The following PID1 variants were observed in gnomAD, a reference collection of about 807,000 sequenced individuals.
PID1 encodes phosphotyrosine interaction domain containing 1, also known as PTB-containing, cubilin and LRP1-interacting protein.
In PID1, 10 loss-of-function variants were observed where a neutral mutation model predicts 19.1. The observed-to-expected ratio is 0.52, with a 90% CI of 0.32 to 0.89. The LOEUF (loss-of-function observed/expected upper bound fraction) is 0.89, where lower values mean the gene tolerates loss of function less well. Among genes scored for constraint, PID1 ranks in the 40% least tolerant of loss-of-function variants. PID1 has a pLI of 0.03. For missense variants in PID1, 248 were observed against 285.3 expected (o/e 0.87, Z 0.94); for synonymous variants, 130 against 116.0 (o/e 1.12, Z -0.78).
chr2:229,157,206 G>C (rs1244498165), intron 1 of PID1, among the ~76,000 whole-genome samples: 1 of 152,130 alleles, frequency 6.6e-6, no homozygotes, highest in African/African-American at 2.4e-5. Flanking sequence ...AAGGAAAGGG[G>C]ATCACGTGAG....
intron 2 of PID1, among the ~76,000 whole-genome samples, chr2:229,113,580 A>C (rs1695345900): frequency 8.5e-6 from 1 of 117,668 alleles, no homozygotes; most frequent in African/African-American, 3.0e-5. Flanking sequence ...GTATGTGTGT[A>C]TGTGTGTATG....
intron 1 of PID1, among the ~76,000 whole-genome samples, chr2:229,211,913 A>G (rs971054525): frequency 6.6e-6 from 1 of 152,234 alleles, no homozygotes; most frequent in African/African-American, 2.4e-5. Flanking sequence ...TGAATTTCTT[A>G]CTCATCTTAA....
At chr2:229,058,506 T>G (rs1420610878) in intron 2 of PID1, among the ~76,000 whole-genome samples, 1 of 152,182 alleles carries the variant, frequency 6.6e-6, no homozygotes, top group African/African-American at 2.4e-5. Context: ...CGTGAAGATG[T>G]CCATATGACA....
At chr2:229,177,837 G>A (rs1690856698) in intron 1 of PID1, among the ~76,000 whole-genome samples, 2 of 152,206 alleles carry the variant, frequency 1.3e-5, no homozygotes, top group Admixed American at 1.3e-4. Flanking sequence ...AAATGCTCAC[G>A]ACAATGCTCT....
At chr2:229,227,813 T>C (rs1039869319) in intron 1 of PID1, 4 of 315,872 alleles carry the variant, frequency 1.3e-5, no homozygotes, top group African/African-American at 8.6e-5. Context: ...ACTTTTTTCT[T>C]GTCATTATCT....
intron 2 of PID1, among the ~76,000 whole-genome samples, chr2:229,100,635 C>A (rs1321242114): frequency 6.6e-6 from 1 of 152,188 alleles, no homozygotes; most frequent in Non-Finnish European, 1.5e-5. Context: ...AGATAATTCA[C>A]CCTCTATGCC....
intron 1 of PID1, among the ~76,000 whole-genome samples, chr2:229,216,868 A>G (rs886656926): frequency 1.3e-5 from 2 of 151,526 alleles, no homozygotes; most frequent in African/African-American, 4.8e-5. Flanking sequence ...TAGAACTCTC[A>G]TTTTATATAT....
intron 2 of PID1, among the ~76,000 whole-genome samples, chr2:229,039,081 C>A (rs1484506933): frequency 6.6e-6 from 1 of 152,258 alleles, no homozygotes; most frequent in Middle Eastern, 3.4e-3. Flanking sequence ...ATCTTCCGTG[C>A]CGATTTGAGC....
At chr2:229,050,337 T>C (rs1413961289) in intron 2 of PID1, among the ~76,000 whole-genome samples, 1 of 152,186 alleles carries the variant, frequency 6.6e-6, no homozygotes, top group African/African-American at 2.4e-5. Flanking sequence ...TCAAAATGTA[T>C]AGCCTCTCCA....
At chr2:229,191,435 T>C (rs7585821) in intron 1 of PID1, among the ~76,000 whole-genome samples, 16,480 of 152,114 alleles carry the variant, frequency 0.11, 1,192 homozygotes, top group East Asian at 0.42. Context: ...AGGGCTCCCT[T>C]GGCATGGCAC....
intron 1 of PID1, among the ~76,000 whole-genome samples, chr2:229,231,079 G>C: frequency 6.6e-6 from 1 of 152,124 alleles, no homozygotes; most frequent in East Asian, 1.9e-4. Flanking sequence ...GCCCCAGCCA[G>C]TGTCCCAGCT....
chr2:229,050,432 C>A (rs142374977), intron 2 of PID1, among the ~76,000 whole-genome samples: 3 of 152,158 alleles, frequency 2.0e-5, no homozygotes, highest in Non-Finnish European at 4.4e-5. Context: ...GTGAAACAGA[C>A]GCTACACATC....
At chr2:229,228,122 C>T (rs1418661927) in intron 1 of PID1, 4 of 446,524 alleles carry the variant, frequency 9.0e-6, no homozygotes, top group African/African-American at 2.0e-5. Flanking sequence ...CCAAGAGAAT[C>T]GAGATAAAGA....
chr2:229,260,463 C>CATAT (rs3084671), intron 1 of PID1, among the ~76,000 whole-genome samples: 30,687 of 147,726 alleles, frequency 0.21, 3,771 homozygotes, highest in Non-Finnish European at 0.28. Flanking sequence ...TAAAAAGTTG[C>CATAT]ATATATATAT....
At chr2:229,097,017 G>A (rs1403603537) in intron 2 of PID1, among the ~76,000 whole-genome samples, 1 of 152,160 alleles carries the variant, frequency 6.6e-6, no homozygotes, top group African/African-American at 2.4e-5. Flanking sequence ...CCCTGAGTTT[G>A]ATTAAAGAAT....
At chr2:229,239,712 C>T (rs773770112) in intron 1 of PID1, among the ~76,000 whole-genome samples, 7 of 152,122 alleles carry the variant, frequency 4.6e-5, no homozygotes, top group Non-Finnish European at 1.0e-4. Context: ...TAATCCTTCA[C>T]TGAATTATTT....
intron 1 of PID1, among the ~76,000 whole-genome samples, chr2:229,200,668 T>G (rs898000078): frequency 2.0e-5 from 3 of 152,036 alleles, no homozygotes; most frequent in African/African-American, 7.2e-5. Context: ...CTTTCAACCA[T>G]GTTGCTCTTG....
intron 1 of PID1, among the ~76,000 whole-genome samples, chr2:229,261,224 A>G (rs1019523606): frequency 6.6e-6 from 1 of 152,140 alleles, no homozygotes; most frequent in South Asian, 2.1e-4. Flanking sequence ...CTGATTTCAG[A>G]CTTCCAGTCT....
chr2:229,118,424 C>T (rs1019158386), intron 2 of PID1, among the ~76,000 whole-genome samples: 6 of 152,148 alleles, frequency 3.9e-5, no homozygotes, highest in Non-Finnish European at 8.8e-5. Context: ...CAAGACAATG[C>T]CCTTAGTATT....
Sources: gnomAD v4.1 joint callset for allele counts (sites outside exome capture counted in the v4.1 genomes callset) on GRCh38, gnomAD v4.1.1 for gene constraint, MANE v1.5 for transcripts, NCBI Gene and HGNC (gene_info 2026-07-23, HGNC 2026-07-21) for gene names.